ZNF345: variants seen among roughly 807,000 people sequenced by gnomAD.
The protein encoded by ZNF345 is zinc finger protein 345.
For missense variants in ZNF345, 527 were observed against 589.9 expected, an observed-to-expected ratio of 0.89 and a Z score of 1.10; for synonymous variants, 166 against 187.9, an observed-to-expected ratio of 0.88 and a Z score of 0.95.
At chr19:36,884,730 G>A (rs2072987122) in intron 3 of ZNF345, among the ~76,000 whole-genome samples, 1 of 152,066 alleles carries the variant, frequency 6.6e-6, no homozygotes, top group South Asian at 2.1e-4. Flanking sequence ...TTATACTGTC[G>A]GGTGGCCATC....
chr19:36,877,155 C>T lies in ZNF345; in HGVS notation c.325C>T (p.Gln109Ter). Reference protein sequence around the residue: ...FGSGANLAYHQRIHTGEKPFE... With the variant: ...FGSGANLAYH ...TAGTGGTGCAAACCTTGCTTACCAT[C>T]AAAGAATTCATACTGGTGAGAAGCC... The change falls in exon 3 of 3, where the codon CAA (glutamine) becomes TAA (stop). Residue 109 changes from glutamine (Q) to a stop codon, truncating the protein, a stop_gained. Transcript: ENST00000420450. LOFTEE classifies it low-confidence loss of function (END_TRUNC). 1 of 1,614,052 alleles carries T rather than the reference C, an allele frequency of 6.2e-7. No homozygotes were observed. Among genetic ancestry groups the T allele is most frequent in the Non-Finnish European group, 8.5e-7 (1 of 1,180,000 alleles).
exon 4 of ZNF345, chr19:36,892,892 G>C (rs1016583571): frequency 1.8e-5 from 21 of 1,158,264 alleles, no homozygotes; most frequent in Non-Finnish European, 2.1e-5. Context: ...CGACTGCAAG[G>C]CCATCAGCAT....
chr19:36,858,659 C>T (rs1204802682), intron 2 of ZNF345, among the ~76,000 whole-genome samples: 1 of 152,010 alleles, frequency 6.6e-6, no homozygotes. Context: ...CCCAGCTACT[C>T]GGGAGGCTGA....
exon 4 of ZNF345, chr19:36,892,853 G>A (rs1303492083): frequency 8.9e-7 from 1 of 1,122,978 alleles, no homozygotes; most frequent in Non-Finnish European, 1.1e-6. Context: ...CCAGCTCTGT[G>A]TCTCCTCGTC....
In ZNF345 at chr19:36,854,653, T is replaced by C. The variant is rs193052695; in HGVS notation, c.-47+2749T>C. On this transcript the variant is annotated intron_variant, in intron 2 of 2. Coordinates refer to ENST00000420450, the MANE Select transcript of ZNF345 (RefSeq NM_001242472.2). Reference sequence around the variant, plus strand: ...CTATCTTCTCCAGCTCTTTATGTACTAATATAATTTTTAACATTTTCTTTT... The same window carrying C: ...CTATCTTCTCCAGCTCTTTATGTACCAATATAATTTTTAACATTTTCTTTT... 51 of 152,154 alleles carry C rather than the reference T, an allele frequency of 3.4e-4. 1 individual carries two copies. Among genetic ancestry groups the C allele is most frequent in the African/African-American group, 1.2e-3 (49 of 41,560 alleles). The allele number at this position is 152,154 out of a possible 1,614,324, so 9.4% of individuals were successfully genotyped here.
intron 2 of ZNF345, among the ~76,000 whole-genome samples, chr19:36,854,234 T>TG (rs2072352706): frequency 7.7e-6 from 1 of 129,558 alleles, no homozygotes; most frequent in Non-Finnish European, 1.6e-5. Context: ...GCCTGGGTTT[T>TG]GTTTTTTTTT....
intron 2 of ZNF345, among the ~76,000 whole-genome samples, chr19:36,871,882 C>T (rs2072777816): frequency 6.6e-6 from 1 of 152,122 alleles, no homozygotes; most frequent in Non-Finnish European, 1.5e-5. Context: ...ATTCTCCTGC[C>T]TCAGCCTCCC....
In ZNF345 at chr19:36,877,780, A is replaced by T; in HGVS notation, c.950A>T (p.Lys317Met). Reference protein sequence around the residue: ...IHTGEKPYECKECEKAFRSGS... With the variant: ...IHTGEKPYECMECEKAFRSGS... ...ACTGGTGAGAAACCCTATGAGTGTA[A>T]GGAGTGTGAGAAAGCCTTTAGAAGT... The change falls in exon 3 of 3, where the codon AAG becomes ATG. Residue 317 changes from lysine (K) to methionine (M), a missense_variant. Transcript: ENST00000420450. The T allele has an allele frequency of 6.2e-7, 1 of 1,614,060 alleles. No individual in the cohort carries two copies. Among genetic ancestry groups the T allele is most frequent in the Non-Finnish European group, 8.5e-7 (1 of 1,180,012 alleles).
Position 36,877,295 on chromosome 19 carries a change from T to C in ZNF345, c.465T>C (p.Phe155=). 2 of 1,614,050 alleles carry C rather than the reference T, an allele frequency of 1.2e-6. No individual in the cohort carries two copies. The highest frequency in any genetic ancestry group is 1.7e-6 in the Non-Finnish European group (2 of 1,180,018). The change falls in exon 3 of 3, where the codon TTT becomes TTC. Residue 155 remains phenylalanine, a synonymous_variant. Coordinates refer to ENST00000420450, the MANE Select transcript of ZNF345 (RefSeq NM_001242472.2). Reference sequence around the variant, plus strand: ...AGTGTAAGGAATGTGGGAAAGCCTTTAGTTTTGGATCAGGCCTTATTCGAC... The same window carrying C: ...AGTGTAAGGAATGTGGGAAAGCCTTCAGTTTTGGATCAGGCCTTATTCGAC... ...PYECKECGKA[F]SFGSGLIRHQ...
At chr19:36,865,812 C>T (rs994431066) in intron 2 of ZNF345, among the ~76,000 whole-genome samples, 7 of 152,136 alleles carry the variant, frequency 4.6e-5, no homozygotes, top group Non-Finnish European at 8.8e-5. Flanking sequence ...TTTGTAGGTG[C>T]TGTTCATCAG....
chr19:36,860,199 C>T (rs1253335848), intron 2 of ZNF345, among the ~76,000 whole-genome samples: 9 of 152,248 alleles, frequency 5.9e-5, no homozygotes, highest in East Asian at 1.9e-4. Context: ...CCTCGTGATC[C>T]GCCTGCCTTG....
At chr19:36,891,629 C>A in intron 3 of ZNF345, 1 of 1,613,470 alleles carries the variant, frequency 6.2e-7, no homozygotes, top group Non-Finnish European at 8.5e-7. Flanking sequence ...TTATTAAAGG[C>A]CTTCCCACAT....
rs1433928126 is a variant in ZNF345 at position 36,877,448 on chromosome 19, T to C, written c.618T>C (p.Asp206=). ...HTGEKPYECI[D]CGKAFGSGSN... ...GTGAGAAACCTTATGAATGTATAGA[T>C]TGTGGTAAAGCCTTTGGCAGTGGTT... The change falls in exon 3 of 3, where the codon GAT becomes GAC. Residue 206 remains aspartate (D), a synonymous_variant. Coordinates refer to ENST00000420450, the MANE Select transcript of ZNF345 (RefSeq NM_001242472.2). The C allele has an allele frequency of 1.9e-6, 3 of 1,611,904 alleles. No individual in the cohort carries two copies. The highest frequency in any genetic ancestry group is 2.5e-6 in the Non-Finnish European group (3 of 1,179,374).
intron 3 of ZNF345, chr19:36,888,381 C>G (rs2073017539): frequency 6.6e-6 from 1 of 151,880 alleles, no homozygotes; most frequent in Non-Finnish European, 1.5e-5. Flanking sequence ...TCTCCTTGCC[C>G]TGATGATATC....
chr19:36,855,441 C>A (rs1036226549), intron 2 of ZNF345, among the ~76,000 whole-genome samples: 5 of 145,036 alleles, frequency 3.4e-5, no homozygotes, highest in Non-Finnish European at 7.5e-5. Context: ...AGCCACCGAG[C>A]CTGGCCTTTT....
At chr19:36,879,576 C>A (rs921347825), downstream of ZNF345, 3 of 166,646 alleles carry the variant, frequency 1.8e-5, no homozygotes, top group Non-Finnish European at 2.9e-5. Flanking sequence ...TAAACACTTA[C>A]CTTGATGGCC....
At position 36,850,886 on chromosome 19, in the gene ZNF345, A is replaced by C. The variant is rs964221544; in HGVS notation, c.-204A>C. On this transcript the variant is annotated 5_prime_UTR_variant, in exon 1 of 3. Transcript: ENST00000420450. ...GCGGGATCTTCCCGCGGATTTGGGC[A>C]AGCGGCCTTGGGGCTTTGTGAGATA... The C allele has an allele frequency of 6.6e-6, 1 of 152,426 alleles. No homozygotes were observed. The highest frequency in any genetic ancestry group is 1.5e-5 in the Non-Finnish European group (1 of 68,188). 9.4% of individuals were successfully genotyped at this position (152,426 alleles called of 1,614,324 possible).
In ZNF345 at chr19:36,877,852, C is replaced by T; in HGVS notation, c.1022C>T (p.Pro341Leu). The change falls in exon 3 of 3, where the codon CCT becomes CTT. Residue 341 changes from proline to leucine, a missense_variant. By Grantham distance (98) the Pro-to-Leu change is moderately conservative. Transcript: ENST00000420450. ...CAAAGAATGCATACTGGAGAGAAACCTTATGAATGTAAGGAATGTGGGAAG... is the reference window on the plus strand; with the variant it reads ...CAAAGAATGCATACTGGAGAGAAACTTTATGAATGTAAGGAATGTGGGAAG... Reference protein sequence around the residue: ...QHQRMHTGEKPYECKECGKTF... With the variant: ...QHQRMHTGEKLYECKECGKTF... 1 of 1,613,726 alleles carries T rather than the reference C, an allele frequency of 6.2e-7. No homozygotes were observed. Among genetic ancestry groups the T allele is most frequent in the Non-Finnish European group, 8.5e-7 (1 of 1,179,904 alleles).
chr19:36,889,052 G>C (rs946124075), intron 3 of ZNF345: 1 of 152,216 alleles, frequency 6.6e-6, no homozygotes, highest in Admixed American at 6.5e-5. Flanking sequence ...GATTACAGGT[G>C]TGAGTGCCTG....
Sources: gnomAD v4.1 joint callset for allele counts (sites outside exome capture counted in the v4.1 genomes callset) on GRCh38, gnomAD v4.1.1 for gene constraint, MANE v1.5 for transcripts, NCBI Gene and HGNC (gene_info 2026-07-23, HGNC 2026-07-21) for gene names.